ITIH5: variants seen among roughly 807,000 people sequenced by gnomAD.
ITIH5 encodes inter-alpha-trypsin inhibitor heavy chain 5.
In ITIH5, 65 loss-of-function variants were observed where a neutral mutation model predicts 77.5. The ratio of observed to expected loss-of-function variants is 0.84; its 90% CI spans 0.69 to 1.03. The LOEUF (loss-of-function observed/expected upper bound fraction) is 1.03. Among genes scored for constraint, ITIH5 ranks in the 50% least tolerant of loss-of-function variants. ITIH5 has a pLI of 0.00. For missense variants in ITIH5, 1,208 were observed against 1,213.1 expected (o/e 1.00, Z 0.06); for synonymous variants, 525 against 494.3 (o/e 1.06, Z -0.82).
chr10:7,656,746 CTT>C (rs34745417), intron 1 of ITIH5, among the ~76,000 whole-genome samples: 25,767 of 112,992 alleles, frequency 0.23, 2,275 homozygotes, highest in Non-Finnish European at 0.27. Flanking sequence ...GTCTATTTTT[CTT>C]TTTTTTTTTT....
chr10:7,622,570 GTCA>G (rs1197671281), intron 5 of ITIH5: 51 of 151,856 alleles, frequency 3.4e-4, no homozygotes, highest in African/African-American at 1.2e-3. Flanking sequence ...TTCACATTTT[GTCA>G]TAACAGTTTT....
intron 5 of ITIH5, among the ~76,000 whole-genome samples, chr10:7,630,810 T>C (rs1833699730): frequency 6.6e-6 from 1 of 152,164 alleles, no homozygotes; most frequent in South Asian, 2.1e-4. Flanking sequence ...AACCTGATAC[T>C]CTATCTCTTT....
intron 2 of ITIH5, among the ~76,000 whole-genome samples, chr10:7,643,910 AC>A (rs1348451552): frequency 2.3e-4 from 35 of 152,204 alleles, no homozygotes; most frequent in African/African-American, 8.4e-4. Flanking sequence ...AGCTTGAGAG[AC>A]ATTTTCTATG....
intron 2 of ITIH5, among the ~76,000 whole-genome samples, chr10:7,644,321 A>G (rs1178788152): frequency 1.3e-5 from 2 of 148,450 alleles, no homozygotes; most frequent in Non-Finnish European, 3.0e-5. Context: ...TATATATCAT[A>G]CATATCACAT....
chr10:7,637,594 A>G (rs1376825721), intron 4 of ITIH5, 116 bp from the exon 5 acceptor site: 1 of 1,029,748 alleles, frequency 9.7e-7, no homozygotes, highest in Non-Finnish European at 1.4e-6. Flanking sequence ...AGGGAGACCC[A>G]TGGGTGTGAG....
At chr10:7,595,473 G>A (rs1356549134) in intron 7 of ITIH5, among the ~76,000 whole-genome samples, 1 of 151,924 alleles carries the variant, frequency 6.6e-6, no homozygotes, top group Admixed American at 6.6e-5. Flanking sequence ...CTATTTTATG[G>A]TGATGAATTC....
intron 11 of ITIH5, 155 bp downstream of exon 11, chr10:7,572,987 A>G: frequency 1.6e-6 from 1 of 616,256 alleles, no homozygotes; most frequent in Non-Finnish European, 2.9e-6. Flanking sequence ...CATGTTGGCC[A>G]GGCTGGTCTT....
chr10:7,628,118 G>T (rs1056759162), intron 5 of ITIH5, among the ~76,000 whole-genome samples: 1 of 152,172 alleles, frequency 6.6e-6, no homozygotes, highest in Non-Finnish European at 1.5e-5. Flanking sequence ...TGGGATTACA[G>T]ACCTGAGCCA....
At chr10:7,631,786 T>A (rs942969251) in intron 5 of ITIH5, among the ~76,000 whole-genome samples, 2 of 151,648 alleles carry the variant, frequency 1.3e-5, no homozygotes, top group African/African-American at 4.9e-5. Flanking sequence ...ACAACTTTGT[T>A]TAATTTTTTT....
chr10:7,605,521 C>T (rs998533861), intron 7 of ITIH5, among the ~76,000 whole-genome samples: 1 of 99,126 alleles, frequency 1.0e-5, no homozygotes, highest in African/African-American at 4.0e-5. Context: ...CTCTGTGTCC[C>T]CCATACCTAG....
At chr10:7,666,224 T>C (rs954824962) in intron 1 of ITIH5, among the ~76,000 whole-genome samples, 6 of 152,162 alleles carry the variant, frequency 3.9e-5, no homozygotes, top group African/African-American at 1.4e-4. Context: ...GGTTAAGACA[T>C]TTGAAACACA....
At chr10:7,566,832 GGAAGAGGAAGAGGAAGAAGAAGAAGAA>G (rs1832183316) in intron 12 of ITIH5, among the ~76,000 whole-genome samples, 750 of 33,962 alleles carry the variant, frequency 0.022, 21 homozygotes, top group Middle Eastern at 0.051. Flanking sequence ...AAGAGGAAGA[GGAAGAGGAAGAGGAAGAAGAAGAAGAA>G]GAAGAAGAAG....
intron 7 of ITIH5, among the ~76,000 whole-genome samples, chr10:7,588,489 C>T (rs1480377092): frequency 1.3e-5 from 2 of 152,186 alleles, no homozygotes; most frequent in Non-Finnish European, 1.5e-5. Flanking sequence ...CTGCACTCTG[C>T]CTGGGTGACA....
At chr10:7,624,851 ATATGTGTATATATGTATATATG>A (rs1833543465) in intron 5 of ITIH5, among the ~76,000 whole-genome samples, 1 of 109,908 alleles carries the variant, frequency 9.1e-6, no homozygotes, top group Non-Finnish European at 1.8e-5. Context: ...ATACACATAT[ATATGTGTATATATGTATATATG>A]TATGTATATA....
chr10:7,572,114 T>C, intron 11 of ITIH5: 1 of 1,037,852 alleles, frequency 9.6e-7, no homozygotes, highest in Non-Finnish European at 1.2e-6. Context: ...CCATAAAGCC[T>C]GTGTGTGTGT....
intron 10 of ITIH5, among the ~76,000 whole-genome samples, chr10:7,574,794 GAAAAAAAAAAAAA>G (rs59563530): frequency 1.2e-5 from 1 of 85,658 alleles, no homozygotes; most frequent in Non-Finnish European, 2.2e-5. Context: ...CTCCATCTCG[GAAAAAAAAAAAAA>G]AAAAAAGCAA....
At chr10:7,656,278 G>A (rs982124610) in intron 1 of ITIH5, among the ~76,000 whole-genome samples, 3 of 152,132 alleles carry the variant, frequency 2.0e-5, no homozygotes, top group Non-Finnish European at 2.9e-5. Context: ...GCAGTGGTGC[G>A]ATCACAGCTC....
intron 5 of ITIH5, chr10:7,619,351 G>A (rs145669167): frequency 1.4e-3 from 219 of 153,084 alleles, no homozygotes; most frequent in African/African-American, 5.2e-3. Flanking sequence ...GTGAGACTTT[G>A]AGCAAGTTAC....
intron 2 of ITIH5, among the ~76,000 whole-genome samples, chr10:7,647,462 G>A (rs1834024683): frequency 1.3e-5 from 2 of 152,264 alleles, no homozygotes; most frequent in African/African-American, 2.4e-5. Context: ...AACACCACAG[G>A]CCAGAAGAAT....
Sources: gnomAD v4.1 joint callset for allele counts (sites outside exome capture counted in the v4.1 genomes callset) on GRCh38, gnomAD v4.1.1 for gene constraint, MANE v1.5 for transcripts, NCBI Gene and HGNC (gene_info 2026-07-23, HGNC 2026-07-21) for gene names.